GRM1: variants seen among roughly 807,000 people sequenced by gnomAD.
The protein encoded by GRM1 is glutamate metabotropic receptor 1, also known as metabotropic glutamate receptor 1.
A neutral mutation model predicts 90.9 loss-of-function variants in GRM1; 33 were observed. The ratio of observed to expected loss-of-function variants is 0.36; its 90% CI spans 0.28 to 0.49. GRM1 has a LOEUF of 0.49. Among genes scored for constraint, GRM1 ranks in the 20% least tolerant of loss-of-function variants. The pLI is 0.99. For missense variants in GRM1, 1,190 were observed against 1,534.3 expected, an observed-to-expected ratio of 0.78 and a Z score of 3.75; for synonymous variants, 700 against 613.2, an observed-to-expected ratio of 1.14 and a Z score of -2.09.
chr6:146,434,815 G>C lies in GRM1; in HGVS notation c.*19G>C. On this transcript the variant is annotated 3_prime_UTR_variant, in exon 8 of 8. Coordinates refer to ENST00000282753, the MANE Select transcript of GRM1 (RefSeq NM_001278064.2). ...CCTGTAAGGGGGAAGGGTCCACATAGAAAAGCAAGACAAGCCAGAGATCTC... is the reference window on the plus strand; with the variant it reads ...CCTGTAAGGGGGAAGGGTCCACATACAAAAGCAAGACAAGCCAGAGATCTC... The C allele has an allele frequency of 6.3e-7, 1 of 1,584,728 alleles. No individual in the cohort carries two copies. The highest frequency in any genetic ancestry group is 8.6e-7 in the Non-Finnish European group (1 of 1,167,214).
At chr6:146,096,268 C>T (rs1328387071) in intron 1 of GRM1, among the ~76,000 whole-genome samples, 1 of 152,128 alleles carries the variant, frequency 6.6e-6, no homozygotes, top group Non-Finnish European at 1.5e-5. Flanking sequence ...GATGCTATCA[C>T]CATTCTTCTT....
chr6:146,161,434 C>T (rs1396185469), intron 2 of GRM1, among the ~76,000 whole-genome samples: 1 of 152,114 alleles, frequency 6.6e-6, no homozygotes, highest in African/African-American at 2.4e-5. Context: ...ATTTTACCTC[C>T]TAATAATGCA....
At chr6:146,299,198 A>C (rs1420866425) in intron 2 of GRM1, among the ~76,000 whole-genome samples, 1 of 152,148 alleles carries the variant, frequency 6.6e-6, no homozygotes, top group Non-Finnish European at 1.5e-5. Context: ...ATTCCTCTTC[A>C]TTCCTATTAC....
At chr6:146,210,833 A>T (rs1779665901) in intron 2 of GRM1, among the ~76,000 whole-genome samples, 1 of 152,144 alleles carries the variant, frequency 6.6e-6, no homozygotes. Flanking sequence ...CTTGCATGGC[A>T]TTGAGAACCA....
intron 5 of GRM1, among the ~76,000 whole-genome samples, chr6:146,374,481 A>G (rs1776020343): frequency 6.6e-6 from 1 of 152,132 alleles, no homozygotes; most frequent in Non-Finnish European, 1.5e-5. Flanking sequence ...AAATCAGCAG[A>G]GAAGCAAACA....
intron 2 of GRM1, among the ~76,000 whole-genome samples, chr6:146,185,712 A>G (rs777374893): frequency 5.9e-5 from 9 of 152,156 alleles, no homozygotes; most frequent in Non-Finnish European, 1.3e-4. Flanking sequence ...ATTTGATTCC[A>G]ATCAGCGTTT....
intron 2 of GRM1, among the ~76,000 whole-genome samples, chr6:146,233,951 G>GT (rs1780535760): frequency 6.6e-6 from 1 of 151,920 alleles, no homozygotes; most frequent in South Asian, 2.1e-4. Flanking sequence ...ATTTTAAAAA[G>GT]TTTTTGCTTT....
At chr6:146,098,453 T>G (rs1216798421) in intron 1 of GRM1, among the ~76,000 whole-genome samples, 1 of 152,154 alleles carries the variant, frequency 6.6e-6, no homozygotes, top group Non-Finnish European at 1.5e-5. Context: ...ATAATAACAT[T>G]TTTCTTTTTT....
chr6:146,422,259 A>G (rs956420805), intron 7 of GRM1, among the ~76,000 whole-genome samples: 1 of 152,208 alleles, frequency 6.6e-6, no homozygotes, highest in Non-Finnish European at 1.5e-5. Context: ...TTACCCAAAT[A>G]AAAAAGTCTG....
At chr6:146,114,695 G>A (rs754047125) in intron 1 of GRM1, among the ~76,000 whole-genome samples, 2 of 152,086 alleles carry the variant, frequency 1.3e-5, no homozygotes, top group Non-Finnish European at 2.9e-5. Context: ...CATCAGACTG[G>A]ATAGAAAGGA....
At chr6:146,256,073 T>C (rs916188701) in intron 2 of GRM1, among the ~76,000 whole-genome samples, 1 of 152,128 alleles carries the variant, frequency 6.6e-6, no homozygotes, top group Admixed American at 6.6e-5. Flanking sequence ...TACACTTACA[T>C]CTACTGGCTC....
intron 2 of GRM1, among the ~76,000 whole-genome samples, chr6:146,282,078 T>G (rs2114857206): frequency 6.6e-6 from 1 of 152,294 alleles, no homozygotes; most frequent in Middle Eastern, 3.4e-3. Context: ...TGAATGGGTC[T>G]TTCAAGAGTG....
intron 2 of GRM1, among the ~76,000 whole-genome samples, chr6:146,281,896 G>A (rs1225312583): frequency 1.3e-5 from 2 of 152,190 alleles, no homozygotes; most frequent in Non-Finnish European, 2.9e-5. Context: ...GTGTTGAACA[G>A]AGCTCTGCAT....
intron 7 of GRM1, among the ~76,000 whole-genome samples, chr6:146,400,379 T>A (rs1777112269): frequency 6.6e-6 from 1 of 152,040 alleles, no homozygotes; most frequent in Non-Finnish European, 1.5e-5. Context: ...ATCAGAATAG[T>A]TTCTTAGTCA....
intron 1 of GRM1, among the ~76,000 whole-genome samples, chr6:146,120,217 T>C (rs570464372): frequency 5.7e-4 from 87 of 152,230 alleles, no homozygotes; most frequent in Non-Finnish European, 1.1e-3. Context: ...TGAATGGGAG[T>C]TCACTCATGA....
intron 2 of GRM1, among the ~76,000 whole-genome samples, chr6:146,286,906 G>A (rs935132112): frequency 2.6e-5 from 4 of 152,144 alleles, no homozygotes; most frequent in Admixed American, 6.5e-5. Context: ...TAAATGGCAG[G>A]CATATTATCC....
chr6:146,285,168 A>G (rs1782712055), intron 2 of GRM1, among the ~76,000 whole-genome samples: 1 of 152,174 alleles, frequency 6.6e-6, no homozygotes, highest in African/African-American at 2.4e-5. Context: ...ACCCTACCTC[A>G]CAGCTGATAC....
At chr6:146,423,489 C>T (rs1234581467) in intron 7 of GRM1, among the ~76,000 whole-genome samples, 13 of 150,978 alleles carry the variant, frequency 8.6e-5, no homozygotes, top group African/African-American at 3.2e-4. Flanking sequence ...TCAAATCTCT[C>T]CATCAGTAGT....
intron 7 of GRM1, among the ~76,000 whole-genome samples, chr6:146,404,296 G>A (rs562238991): frequency 6.6e-6 from 1 of 152,076 alleles, no homozygotes; most frequent in South Asian, 2.1e-4. Context: ...AAAGCACTTA[G>A]GTACTTGATA....
Sources: allele counts gnomAD v4.1 joint callset (sites outside exome capture counted in the v4.1 genomes callset), GRCh38; gene constraint gnomAD v4.1.1; transcripts MANE v1.5; gene names NCBI Gene and HGNC (gene_info 2026-07-23, HGNC 2026-07-21).